The following FREM3 variants were observed in gnomAD, a reference collection of about 807,000 sequenced individuals.
The protein encoded by FREM3 is FRAS1 related extracellular matrix 3.
Under a neutral mutation model 129.1 loss-of-function variants are expected in FREM3, and 105 were observed. The ratio of observed to expected loss-of-function variants is 0.81; its 90% CI spans 0.69 to 0.96. FREM3 has a LOEUF of 0.96. Among genes scored for constraint, FREM3 ranks in the 40% least tolerant of loss-of-function variants. The pLI is 0.00. For missense variants in FREM3, 2,593 were observed against 2,666.3 expected (o/e 0.97, Z 0.61); for synonymous variants, 1,014 against 1,044.9 (o/e 0.97, Z 0.57).
chr4:143,698,196 T>C lies in FREM3; in HGVS notation c.2480A>G (p.Asn827Ser). ...TCTGTTGGTGACTTCTGGGGGCTGGTTGTCCACAGGTTGCAGGAATAATGT... is the reference window on the plus strand; with the variant it reads ...TCTGTTGGTGACTTCTGGGGGCTGGCTGTCCACAGGTTGCAGGAATAATGT... Reference protein sequence around the residue: ...TFTLFLQPVDNQPPEVTNRGF... With the variant: ...TFTLFLQPVDSQPPEVTNRGF... Residue 827 changes from asparagine to serine, a missense_variant, in exon 1 of 8, where the codon AAC (asparagine) becomes AGC (serine). Physicochemically the swap from Asn to Ser is conservative, Grantham distance 46 (BLOSUM62 1). Around this residue, in one of 2 missense-constraint regions of FREM3, gnomAD observed 2,276 missense variants for 2,267.2 expected, o/e 1.00. Coordinates refer to ENST00000329798, the MANE Select transcript of FREM3 (RefSeq NM_001168235.2). 1 of 1,537,408 alleles carries C rather than the reference T, an allele frequency of 6.5e-7. No individual in the cohort carries two copies. Among genetic ancestry groups the C allele is most frequent in the Non-Finnish European group, 8.7e-7 (1 of 1,146,936 alleles).
intron 2 of FREM3, among the ~76,000 whole-genome samples, chr4:143,642,056 T>G (rs1739329094): frequency 6.7e-6 from 1 of 150,062 alleles, no homozygotes. Flanking sequence ...GAAATTCAGT[T>G]CAAAAACCAT....
intron 6 of FREM3, among the ~76,000 whole-genome samples, chr4:143,605,756 C>A (rs1738658412): frequency 1.3e-5 from 2 of 152,252 alleles, no homozygotes; most frequent in Admixed American, 6.5e-5. Flanking sequence ...CCACTTAACT[C>A]CAAATACTGA....
intron 2 of FREM3, among the ~76,000 whole-genome samples, chr4:143,648,476 T>G (rs1293505796): frequency 2.0e-5 from 3 of 152,168 alleles, no homozygotes; most frequent in Non-Finnish European, 4.4e-5. Flanking sequence ...ATAATCCCCA[T>G]GTGTCAAGGG....
At chr4:143,592,087 T>G (rs1738374365) in intron 6 of FREM3, among the ~76,000 whole-genome samples, 1 of 152,228 alleles carries the variant, frequency 6.6e-6, no homozygotes, top group South Asian at 2.1e-4. Flanking sequence ...GTTTTCCATT[T>G]GCTTGGTAGA....
intron 6 of FREM3, among the ~76,000 whole-genome samples, chr4:143,591,729 G>A (rs1034618053): frequency 6.6e-6 from 1 of 152,160 alleles, no homozygotes; most frequent in African/African-American, 2.4e-5. Flanking sequence ...GATTTGGGGT[G>A]GAGAGTTCTG....
At chr4:143,688,930 A>G (rs2149861619) in intron 2 of FREM3, among the ~76,000 whole-genome samples, 1 of 152,344 alleles carries the variant, frequency 6.6e-6, no homozygotes, top group East Asian at 1.9e-4. Context: ...ATTCTAGAAG[A>G]TAATATTGGA....
In FREM3 at chr4:143,589,123, G is replaced by A. The variant is rs546615705; in HGVS notation, c.6029-3130C>T. Among the ~76,000 whole-genome samples the A allele has an allele frequency of 4.3e-4, 65 of 152,308 alleles. 1 individual carries two copies. The highest frequency in any genetic ancestry group is 1.9e-3 in the Admixed American group (29 of 15,292). ...TCTTGTAAATTTGTTTGAGTTCACT[G>A]TAGATTCTGGATATTAGCCCTTTGT... is the stretch of plus-strand genomic sequence containing the variant. On this transcript the variant is annotated intron_variant, in intron 6 of 7. Transcript: ENST00000329798.
chr4:143,693,198 G>A lies in FREM3; in HGVS notation c.5190C>T (p.Asp1730=). Residue 1730 remains aspartate (D), a synonymous_variant, in exon 2 of 8, where the codon GAC becomes GAT. Coordinates refer to ENST00000329798, the MANE Select transcript of FREM3 (RefSeq NM_001168235.2). ...CATAGGATATCTTCATCTCATCAAT[G>A]TCAGCTAAAAAAAAAGCAACCATCA... ...NQSTRVFTQA[D]IDEMKISYVL... The A allele has an allele frequency of 6.7e-7, 1 of 1,481,770 alleles. No homozygotes were observed. The highest frequency in any genetic ancestry group is 9.0e-7 in the Non-Finnish European group (1 of 1,114,412). The allele number at this position is 1,481,770 out of a possible 1,614,324, so 91.8% of individuals were successfully genotyped here.
chr4:143,598,456 TA>T (rs1738520077), intron 6 of FREM3, among the ~76,000 whole-genome samples: 1 of 152,204 alleles, frequency 6.6e-6, no homozygotes, highest in Non-Finnish European at 1.5e-5. Flanking sequence ...TCTGGACATC[TA>T]TAGTATGTGA....
At chr4:143,661,414 C>T (rs573127580) in intron 2 of FREM3, among the ~76,000 whole-genome samples, 5 of 151,952 alleles carry the variant, frequency 3.3e-5, no homozygotes, top group African/African-American at 1.2e-4. Flanking sequence ...TATATTGAAC[C>T]AGCCTTGCAT....
At position 143,695,590 on chromosome 4, in the gene FREM3, G is replaced by T. The variant is rs1398121112; in HGVS notation, c.5086C>A (p.Pro1696Thr). ...ACTTTATACTTCAGAAGCCTGTGGG[G>T]ACTGTCCTGATCTTCTGCCTTCAGA... ...KSLKAEDQDS[P>T]HRLLKYKVTR... The change falls in exon 1 of 8, where the codon CCC (proline) becomes ACC (threonine). Residue 1696 changes from proline to threonine, a missense_variant. Transcript: ENST00000329798. 6.5e-7 allele frequency: 1 copy of T among 1,537,312 alleles called. No homozygotes were observed. Among genetic ancestry groups the T allele is most frequent in the Non-Finnish European group, 8.7e-7 (1 of 1,146,928 alleles).
intron 6 of FREM3, among the ~76,000 whole-genome samples, chr4:143,593,897 C>T (rs1291072748): frequency 6.6e-6 from 1 of 152,252 alleles, no homozygotes; most frequent in Non-Finnish European, 1.5e-5. Context: ...TTTGAGCTTT[C>T]CAGCCGCTTT....
intron 2 of FREM3, among the ~76,000 whole-genome samples, chr4:143,691,741 A>G (rs1370193297): frequency 6.6e-6 from 1 of 152,252 alleles, no homozygotes; most frequent in Non-Finnish European, 1.5e-5. Flanking sequence ...CATGGTAGCT[A>G]CATAATATTC....
intron 6 of FREM3, among the ~76,000 whole-genome samples, chr4:143,604,575 T>C (rs1738633576): frequency 6.6e-6 from 1 of 152,150 alleles, no homozygotes; most frequent in African/African-American, 2.4e-5. Flanking sequence ...TCTTAAGTGA[T>C]AAAAATAAGG....
chr4:143,630,400 C>A (rs1385100145), intron 2 of FREM3, among the ~76,000 whole-genome samples: 1 of 152,126 alleles, frequency 6.6e-6, no homozygotes, highest in Non-Finnish European at 1.5e-5. Context: ...ACTTTGAACT[C>A]CTCTTTTATT....
chr4:143,695,559 C>G lies in FREM3; in HGVS notation c.5117G>C (p.Arg1706Thr), dbSNP rs573367354. The G allele has an allele frequency of 6.5e-6, 10 of 1,537,444 alleles. 1 individual carries two copies. The South Asian group carries it at 1.1e-4, about 16-fold the overall frequency. ...PHRLLKYKVT[R>T]GPEHGFIIKT... ...GATAATGAAGCCATGCTCTGGTCCT[C>G]TGGTCACTTTATACTTCAGAAGCCT... Residue 1706 changes from arginine (R) to threonine (T), a missense_variant, in exon 1 of 8, where the codon AGA (arginine) becomes ACA (threonine). By Grantham distance (71) the Arg-to-Thr change is moderately conservative. This residue lies in a region of FREM3 where 2,276 missense variants were observed against 2,267.2 expected (regional missense o/e 1.00). Coordinates refer to ENST00000329798, the MANE Select transcript of FREM3 (RefSeq NM_001168235.2).
At chr4:143,641,422 C>T (rs1046799724) in intron 2 of FREM3, among the ~76,000 whole-genome samples, 8 of 152,212 alleles carry the variant, frequency 5.3e-5, no homozygotes, top group African/African-American at 1.9e-4. Context: ...TTGGCTGAAC[C>T]TTGGATCTAT....
intron 6 of FREM3, among the ~76,000 whole-genome samples, chr4:143,595,689 C>G (rs1307255771): frequency 2.0e-5 from 3 of 152,010 alleles, no homozygotes; most frequent in Non-Finnish European, 4.4e-5. Context: ...AGATCAAGAC[C>G]ATCCTGGCTA....
intron 6 of FREM3, among the ~76,000 whole-genome samples, chr4:143,593,816 G>A (rs1738413559): frequency 6.6e-6 from 1 of 152,210 alleles, no homozygotes; most frequent in Non-Finnish European, 1.5e-5. Flanking sequence ...TTGTTTGTCT[G>A]TGCCCTGCCT....
Sources: allele counts gnomAD v4.1 joint callset (sites outside exome capture counted in the v4.1 genomes callset), GRCh38; gene constraint gnomAD v4.1.1; regional missense constraint gnomAD v4.1.1; transcripts MANE v1.5; gene names NCBI Gene and HGNC (gene_info 2026-07-23, HGNC 2026-07-21).